The following MED13L variants were observed in gnomAD, a reference collection of about 807,000 sequenced individuals.
The protein encoded by MED13L is mediator complex subunit 13L, also known as mediator of RNA polymerase II transcription subunit 13-like.
In MED13L, 7 loss-of-function variants were observed where a neutral mutation model predicts 220.9. The ratio of observed to expected loss-of-function variants is 0.03; its 90% confidence interval spans 0.02 to 0.06. The LOEUF is 0.06. Among genes scored for constraint, MED13L ranks in the 10% least tolerant of loss-of-function variants. The pLI is 1.00. For missense variants in MED13L, 1,965 were observed against 2,760.5 expected, an observed-to-expected ratio of 0.71 and a Z score of 6.46; for synonymous variants, 1,011 against 1,015.2, an observed-to-expected ratio of 1.00 and a Z score of 0.08.
intron 20 of MED13L, 115 bp downstream of exon 20, chr12:115,984,065 A>G (rs1877518716): frequency 2.5e-6 from 3 of 1,194,622 alleles, no homozygotes; most frequent in Non-Finnish European, 3.6e-6. Flanking sequence ...ACCTTAACAA[A>G]TACAGCATTA....
intron 1 of MED13L, among the ~76,000 whole-genome samples, chr12:116,270,910 C>T (rs558461299): frequency 4.6e-5 from 7 of 151,490 alleles, no homozygotes; most frequent in South Asian, 2.1e-4. Flanking sequence ...GGCATAGTGG[C>T]GCGCGCCTGT....
At chr12:116,146,341 C>T (rs935791444) in intron 2 of MED13L, among the ~76,000 whole-genome samples, 2 of 151,950 alleles carry the variant, frequency 1.3e-5, no homozygotes, top group African/African-American at 2.4e-5. Flanking sequence ...AAGATGGTCT[C>T]GATCTCCTGA....
intron 2 of MED13L, among the ~76,000 whole-genome samples, chr12:116,125,089 T>A (rs2137975723): frequency 6.6e-6 from 1 of 152,328 alleles, no homozygotes; most frequent in Non-Finnish European, 1.5e-5. Context: ...ATGTGAAAAT[T>A]TGTTAAGACA....
At chr12:115,968,214 G>C (rs530071174) in intron 28 of MED13L, among the ~76,000 whole-genome samples, 1 of 152,148 alleles carries the variant, frequency 6.6e-6, no homozygotes, top group East Asian at 1.9e-4. Context: ...TAAATAAACA[G>C]TACAATACAG....
intron 2 of MED13L, among the ~76,000 whole-genome samples, chr12:116,135,641 CTATAA>C (rs1313422738): frequency 1.3e-5 from 2 of 152,116 alleles, no homozygotes; most frequent in African/African-American, 2.4e-5. Flanking sequence ...TAAGATCACA[CTATAA>C]TATAAGGAAG....
chr12:116,049,586 G>A (rs574361400), intron 4 of MED13L, among the ~76,000 whole-genome samples: 6 of 152,226 alleles, frequency 3.9e-5, no homozygotes, highest in Non-Finnish European at 7.4e-5. Flanking sequence ...GCACAACCTC[G>A]AATTTACACT....
At chr12:116,150,821 A>ACT (rs1002265769) in intron 2 of MED13L, among the ~76,000 whole-genome samples, 7 of 152,328 alleles carry the variant, frequency 4.6e-5, no homozygotes, top group African/African-American at 1.4e-4. Context: ...CACATATGGT[A>ACT]CTTCAGGGGT....
At chr12:116,005,766 G>T in intron 13 of MED13L, 103 bp downstream of exon 13, 1 of 1,411,758 alleles carries the variant, frequency 7.1e-7, no homozygotes, top group Non-Finnish European at 1.0e-6. Context: ...TGAAATAAGA[G>T]CCCCCAAATT....
intron 4 of MED13L, among the ~76,000 whole-genome samples, chr12:116,073,452 CTCAT>C (rs1565863472): frequency 6.6e-6 from 1 of 152,168 alleles, no homozygotes; most frequent in African/African-American, 2.4e-5. Context: ...TTACTATTCT[CTCAT>C]TCAATCGTTC....
intron 2 of MED13L, among the ~76,000 whole-genome samples, chr12:116,146,826 C>T (rs956996757): frequency 1.3e-5 from 2 of 151,878 alleles, no homozygotes; most frequent in African/African-American, 4.8e-5. Flanking sequence ...CAAGATCGCA[C>T]CACTGCACTC....
Position 115,960,854 on chromosome 12 carries a change from C to T in MED13L, c.*412G>A, listed in dbSNP as rs951844617. ...GAGTTCAGGTAACCCACAGGCCATACACCAGTAACTAAGAGGATTTCATCC... is the reference window on the plus strand; with the variant it reads ...GAGTTCAGGTAACCCACAGGCCATATACCAGTAACTAAGAGGATTTCATCC... On this transcript the variant is annotated 3_prime_UTR_variant, in exon 31 of 31. Coordinates refer to ENST00000281928, the MANE Select transcript of MED13L (RefSeq NM_015335.5). 6 of 281,144 alleles carry T rather than the reference C, an allele frequency of 2.1e-5. No homozygotes were observed. Among genetic ancestry groups the T allele is most frequent in the South Asian group, 3.9e-5 (1 of 25,390 alleles). 17.4% of individuals were successfully genotyped at this position (281,144 alleles called of 1,614,324 possible).
intron 2 of MED13L, among the ~76,000 whole-genome samples, chr12:116,162,141 A>G (rs1348119828): frequency 1.3e-5 from 2 of 152,166 alleles, no homozygotes; most frequent in Non-Finnish European, 2.9e-5. Context: ...TTTTTCCTAA[A>G]AACAGGAGAT....
chr12:116,007,205 C>T (rs1031824261), intron 11 of MED13L: 6 of 611,630 alleles, frequency 9.8e-6, no homozygotes, highest in South Asian at 1.9e-5. Flanking sequence ...CATTTATGTT[C>T]GGCTGACTTT....
intron 2 of MED13L, among the ~76,000 whole-genome samples, chr12:116,228,317 T>C (rs1360388661): frequency 6.6e-6 from 1 of 152,196 alleles, no homozygotes; most frequent in African/African-American, 2.4e-5. Flanking sequence ...ACAACAGGTT[T>C]TATTTTTTTC....
At chr12:116,085,709 A>G (rs1260634066) in intron 4 of MED13L, among the ~76,000 whole-genome samples, 1 of 147,662 alleles carries the variant, frequency 6.8e-6, no homozygotes, top group African/African-American at 2.5e-5. Flanking sequence ...GAAAGGAGAA[A>G]GACTAAATTC....
At chr12:116,029,257 A>G (rs76898189) in intron 4 of MED13L, among the ~76,000 whole-genome samples, 1,926 of 105,840 alleles carry the variant, frequency 0.018, 16 homozygotes, top group African/African-American at 0.037. Flanking sequence ...AAAAAAAAAA[A>G]GGGGGGGGAG....
chr12:116,179,343 C>T (rs1185664952), intron 2 of MED13L, among the ~76,000 whole-genome samples: 1 of 152,002 alleles, frequency 6.6e-6, no homozygotes, highest in African/African-American at 2.4e-5. Flanking sequence ...GGCACGGTGG[C>T]TCACGTCTAT....
chr12:115,965,446 A>AC (rs1164281568), intron 29 of MED13L, among the ~76,000 whole-genome samples: 2 of 152,200 alleles, frequency 1.3e-5, no homozygotes, highest in Non-Finnish European at 2.9e-5. Context: ...AATCCCACCA[A>AC]CACCAGGGCC....
chr12:116,191,103 A>AG (rs1555221264), intron 2 of MED13L, among the ~76,000 whole-genome samples: 93 of 151,118 alleles, frequency 6.2e-4, no homozygotes, highest in Non-Finnish European at 1.1e-3. Context: ...AAAAAAAAAA[A>AG]AAAAGAAAAG....
Sources: gnomAD v4.1 joint callset for allele counts (sites outside exome capture counted in the v4.1 genomes callset) on GRCh38, gnomAD v4.1.1 for gene constraint, MANE v1.5 for transcripts, NCBI Gene and HGNC (gene_info 2026-07-23, HGNC 2026-07-21) for gene names.